Variants in PDS5A observed in about 807,000 individuals in gnomAD.
The protein encoded by PDS5A is sister chromatid cohesion protein PDS5 homolog A.
PDS5A carries 42 observed loss-of-function variants against 167.1 expected under a neutral mutation model. That is an observed-to-expected ratio of 0.25 (90% confidence interval 0.20 to 0.33). PDS5A has a LOEUF of 0.33. PDS5A is among the 10% of genes least tolerant of loss of function. The pLI is 1.00. For missense variants in PDS5A, 1,033 were observed against 1,605.9 expected (o/e 0.64, Z 6.10); for synonymous variants, 553 against 554.6 (o/e 1.00, Z 0.04).
At chr4:39,926,048 A>T (rs1367326160) in intron 4 of PDS5A, 115 bp from the exon 5 acceptor site, 1 of 332,752 alleles carries the variant, frequency 3.0e-6, no homozygotes, top group Non-Finnish European at 5.4e-6. Context: ...GTCTATAAAG[A>T]CTCAACATAT....
At chr4:39,934,615 CTTTTTTTTTT>C (rs5857707) in intron 2 of PDS5A, among the ~76,000 whole-genome samples, 36,068 of 127,682 alleles carry the variant, frequency 0.28, 4,832 homozygotes, top group East Asian at 0.46. Context: ...CTTTTTTTTT[CTTTTTTTTTT>C]TTTTTTTAAG....
chr4:39,908,623 T>G, intron 10 of PDS5A, 83 bp from the exon 11 acceptor site: 2 of 839,396 alleles, frequency 2.4e-6, no homozygotes, highest in Non-Finnish European at 3.8e-6. Context: ...AGAAATATGT[T>G]AAGTTTTTGT....
intron 2 of PDS5A, among the ~76,000 whole-genome samples, chr4:39,962,612 T>C (rs1331157433): frequency 6.6e-6 from 1 of 151,492 alleles, no homozygotes; most frequent in Non-Finnish European, 1.5e-5. Flanking sequence ...GAGACCATCC[T>C]GGCCAACATG....
chr4:39,897,917 T>C (rs546451077), intron 16 of PDS5A: 48 of 451,016 alleles, frequency 1.1e-4, no homozygotes, highest in Admixed American at 6.4e-4. Context: ...TCCCTCCTGA[T>C]AGCTTTAAGA....
intron 17 of PDS5A, among the ~76,000 whole-genome samples, 188 bp downstream of exon 17, chr4:39,890,061 A>G (rs1165180280): frequency 6.6e-6 from 1 of 152,230 alleles, no homozygotes; most frequent in Non-Finnish European, 1.5e-5. Context: ...AAAAACAGAA[A>G]GCATTATATA....
chr4:39,949,211 A>C (rs897278341), intron 2 of PDS5A, among the ~76,000 whole-genome samples: 5 of 146,164 alleles, frequency 3.4e-5, no homozygotes, highest in African/African-American at 1.3e-4. Flanking sequence ...CTGAGGCAGG[A>C]GGATTGCTTG....
At chr4:39,854,986 A>G (rs1051597629) in intron 26 of PDS5A, among the ~76,000 whole-genome samples, 3 of 152,214 alleles carry the variant, frequency 2.0e-5, no homozygotes, top group Admixed American at 2.0e-4. Context: ...TTAAACATTA[A>G]AGGCTATATT....
intron 2 of PDS5A, chr4:39,974,211 G>A (rs1730858288): frequency 5.2e-6 from 3 of 572,086 alleles, no homozygotes; most frequent in African/African-American, 3.8e-5. Flanking sequence ...CAGGGTGCCA[G>A]ACCTCATCCA....
chr4:39,837,951 G>A lies in PDS5A; in HGVS notation c.3915C>T (p.Ser1305=). The A allele has an allele frequency of 1.9e-6, 3 of 1,613,964 alleles. No individual in the cohort carries two copies. The highest frequency in any genetic ancestry group is 1.7e-6 in the Non-Finnish European group (2 of 1,179,884). ...GRKRAAVGQE[S]PGGLEAGNAK... ...CATTACCTGCTTCCAAACCCCCAGG[G>A]CTCTCCTGACCCACTGCAGCTCTCT... Residue 1305 remains serine (S), a synonymous_variant, in exon 32 of 33, where the codon AGC becomes AGT. Coordinates refer to ENST00000303538, the MANE Select transcript of PDS5A (RefSeq NM_001100399.2).
intron 17 of PDS5A, among the ~76,000 whole-genome samples, chr4:39,886,312 T>C (rs776415446): frequency 7.9e-5 from 12 of 152,204 alleles, no homozygotes; most frequent in African/African-American, 2.9e-4. Flanking sequence ...TGTGGTTCCA[T>C]GTAAATGTTA....
intron 11 of PDS5A, 55 bp downstream of exon 11, chr4:39,908,340 G>C: frequency 7.6e-7 from 1 of 1,312,732 alleles, no homozygotes; most frequent in Non-Finnish European, 1.1e-6. Flanking sequence ...ATACCCAATT[G>C]TATTTAGCAA....
At chr4:39,931,546 A>C (rs1380634082) in intron 2 of PDS5A, among the ~76,000 whole-genome samples, 1 of 152,064 alleles carries the variant, frequency 6.6e-6, no homozygotes, top group Non-Finnish European at 1.5e-5. Flanking sequence ...TTCTAAGTTG[A>C]CACTTGCTGT....
intron 32 of PDS5A, among the ~76,000 whole-genome samples, chr4:39,831,875 CAAAAAAAAAAA>C (rs58913167): frequency 3.1e-4 from 8 of 25,936 alleles, no homozygotes; most frequent in East Asian, 2.3e-3. Flanking sequence ...AAACTCGTCT[CAAAAAAAAAAA>C]AAAAAAAAAA....
chr4:39,973,225 A>AC, intron 2 of PDS5A: 1 of 1,356,534 alleles, frequency 7.4e-7, no homozygotes, highest in Non-Finnish European at 1.1e-6. Flanking sequence ...GAACCTTAGA[A>AC]CAGAGTGACT....
intron 22 of PDS5A, 109 bp from the exon 23 acceptor site, chr4:39,867,106 T>G: frequency 1.2e-6 from 1 of 836,994 alleles, no homozygotes; most frequent in Non-Finnish European, 1.8e-6. Flanking sequence ...AGCAGACATT[T>G]TATTAAATAA....
At chr4:39,931,525 C>A (rs1211385590) in intron 2 of PDS5A, among the ~76,000 whole-genome samples, 1 of 152,116 alleles carries the variant, frequency 6.6e-6, no homozygotes, top group African/African-American at 2.4e-5. Context: ...GAAGGTAACT[C>A]ATTCTTACGG....
At chr4:39,922,052 G>A (rs1725031336) in intron 6 of PDS5A, among the ~76,000 whole-genome samples, 1 of 152,234 alleles carries the variant, frequency 6.6e-6, no homozygotes, top group African/African-American at 2.4e-5. Context: ...GGGTAGGCCT[G>A]AGTAGAGCCC....
intron 29 of PDS5A, 63 bp from the exon 30 acceptor site, chr4:39,844,864 G>A (rs187928379): frequency 6.8e-7 from 1 of 1,479,514 alleles, no homozygotes; most frequent in South Asian, 1.4e-5. Flanking sequence ...ATGTATACAT[G>A]TAAATTTAGA....
chr4:39,864,388 G>A lies in PDS5A; in HGVS notation c.2643-929C>T, dbSNP rs186498180. Reference sequence around the variant, plus strand: ...TAGTTCCTGGGGCTGATCTCCTTTTGCAGAGTAAAGTTTTCAAATGGAACC... The same window carrying A: ...TAGTTCCTGGGGCTGATCTCCTTTTACAGAGTAAAGTTTTCAAATGGAACC... On this transcript the variant is annotated intron_variant, in intron 23 of 32. Coordinates refer to ENST00000303538, the MANE Select transcript of PDS5A (RefSeq NM_001100399.2). Among the ~76,000 whole-genome samples, 142 of 152,230 alleles carry A rather than the reference G, an allele frequency of 9.3e-4. No homozygotes were observed. The Middle Eastern group carries it at 0.02, about 22-fold the overall frequency.
Sources: allele counts gnomAD v4.1 joint callset (sites outside exome capture counted in the v4.1 genomes callset), GRCh38; gene constraint gnomAD v4.1.1; transcripts MANE v1.5; gene names NCBI Gene and HGNC (gene_info 2026-07-23, HGNC 2026-07-21).